Variants in PPP3CA observed in about 807,000 individuals in gnomAD.
PPP3CA encodes the protein CAM-PRP catalytic subunit.
Under a neutral mutation model 66.5 loss-of-function variants are expected in PPP3CA, and 14 were observed. The ratio of observed to expected loss-of-function variants is 0.21; its 90% confidence interval spans 0.14 to 0.33. PPP3CA has a LOEUF of 0.33. Among genes scored for constraint, PPP3CA ranks in the 10% least tolerant of loss-of-function variants. PPP3CA has a pLI of 1.00. For missense variants in PPP3CA, 317 were observed against 639.5 expected, an observed-to-expected ratio of 0.50 and a Z score of 5.44; for synonymous variants, 232 against 226.2, an observed-to-expected ratio of 1.03 and a Z score of -0.23.
intron 2 of PPP3CA, among the ~76,000 whole-genome samples, chr4:101,144,744 A>T (rs947250006): frequency 1.3e-5 from 2 of 152,190 alleles, no homozygotes; most frequent in Non-Finnish European, 2.9e-5. Flanking sequence ...TAAATAGAAG[A>T]ATGATATTCT....
At chr4:101,224,617 C>A (rs979928014) in intron 1 of PPP3CA, among the ~76,000 whole-genome samples, 62 of 151,736 alleles carry the variant, frequency 4.1e-4, no homozygotes, top group Non-Finnish European at 8.8e-4. Context: ...TTTGAAATCA[C>A]CTGAAGCTGG....
chr4:101,248,781 T>C (rs1186817304), intron 1 of PPP3CA, among the ~76,000 whole-genome samples: 3 of 152,214 alleles, frequency 2.0e-5, no homozygotes, highest in Admixed American at 6.5e-5. Flanking sequence ...CTTCTGTCAT[T>C]AGTAGCTACT....
At chr4:101,230,040 T>C (rs1033223074) in intron 1 of PPP3CA, among the ~76,000 whole-genome samples, 1 of 151,726 alleles carries the variant, frequency 6.6e-6, no homozygotes, top group African/African-American at 2.4e-5. Context: ...TCCTTCTTTA[T>C]TAAAAAATGT....
rs1407638230 is a variant in PPP3CA at position 101,347,324 on chromosome 4, T to TGCTGCCGCTGCTGCTGCC, written c.-546_-529dup. The TGCTGCCGCTGCTGCTGCC allele has an allele frequency of 2.5e-5, 5 of 202,120 alleles. No homozygotes were observed. Among genetic ancestry groups the TGCTGCCGCTGCTGCTGCC allele is most frequent in the South Asian group, 7.1e-5 (1 of 14,090 alleles). 12.5% of individuals were successfully genotyped at this position (202,120 alleles called of 1,614,324 possible). A position where few individuals can be genotyped will look rare whatever the true frequency, so the allele number is the denominator to read the frequency against. The stretch of plus-strand genomic sequence containing the variant: ...CCGGCGGCGGAGAGGCGGCCGCCGC[T>TGCTGCCGCTGCTGCTGCC]GCTGCCGCTGCTGCTGCCGCTGCCG... On this transcript the variant is annotated 5_prime_UTR_variant, in exon 1 of 14. Coordinates refer to ENST00000394854, the MANE Select transcript of PPP3CA (RefSeq NM_000944.5).
rs1333619885 is a variant in PPP3CA, at chr4:101,099,733, T to TA, written c.385-12dup. On this transcript the variant is annotated splice_polypyrimidine_tract_variant and intron_variant, in intron 3 of 13. Coordinates refer to ENST00000394854, the MANE Select transcript of PPP3CA (RefSeq NM_000944.5). ...CAAATACAGCACACACTGAGAAAAA[T>TA]AAAAATAATATAAAAATAAATATTT... is the stretch of plus-strand genomic sequence containing the variant. 2.2e-6 allele frequency: 3 copies of TA among 1,342,986 alleles called. No individual in the cohort carries two copies. Among genetic ancestry groups the TA allele is most frequent in the East Asian group, 2.6e-5 (1 of 39,138 alleles). 83.2% of individuals were successfully genotyped at this position (1,342,986 alleles called of 1,614,324 possible). A position where few individuals can be genotyped will look rare whatever the true frequency, so the allele number is the denominator to read the frequency against.
rs1421191803 is a variant in PPP3CA at position 101,024,922 on chromosome 4, T to C, written c.*943A>G. On this transcript the variant is annotated 3_prime_UTR_variant, in exon 14 of 14. Coordinates refer to ENST00000394854, the MANE Select transcript of PPP3CA (RefSeq NM_000944.5). ...CAGGCCGATACAGCCATTTTTTTTT[T>C]CTTAAAAAACATGCATAGGCAGATT... 1.3e-5 allele frequency: 2 copies of C among 152,120 alleles called. No individual in the cohort carries two copies. The highest frequency in any genetic ancestry group is 2.4e-5 in the African/African-American group (1 of 41,138). 9.4% of individuals were successfully genotyped at this position (152,120 alleles called of 1,614,324 possible).
intron 11 of PPP3CA, among the ~76,000 whole-genome samples, chr4:101,038,237 C>A (rs1388063068): frequency 6.6e-6 from 1 of 152,174 alleles, no homozygotes; most frequent in Admixed American, 6.5e-5. Flanking sequence ...GCCCTGGAAT[C>A]CAGCCTATCC....
At chr4:101,053,262 C>T (rs967980364) in intron 10 of PPP3CA, among the ~76,000 whole-genome samples, 5 of 152,068 alleles carry the variant, frequency 3.3e-5, no homozygotes, top group African/African-American at 1.2e-4. Flanking sequence ...TGCTATTCAT[C>T]TCTTTCAACA....
chr4:101,145,933 A>G (rs911168745), intron 2 of PPP3CA, among the ~76,000 whole-genome samples: 2 of 152,172 alleles, frequency 1.3e-5, no homozygotes, highest in Admixed American at 1.3e-4. Flanking sequence ...TAAAAATATT[A>G]TGTTAAAAGC....
chr4:101,059,538 A>G (rs929415098), intron 10 of PPP3CA, among the ~76,000 whole-genome samples: 1 of 152,198 alleles, frequency 6.6e-6, no homozygotes, highest in African/African-American at 2.4e-5. Context: ...CAGGTTTATT[A>G]TACTTTTGCC....
At chr4:101,263,799 A>G (rs1472331775) in intron 1 of PPP3CA, among the ~76,000 whole-genome samples, 1 of 152,062 alleles carries the variant, frequency 6.6e-6, no homozygotes, top group East Asian at 1.9e-4. Context: ...CATCTAACCC[A>G]TATTAGCTTT....
intron 1 of PPP3CA, among the ~76,000 whole-genome samples, chr4:101,205,530 G>T (rs1159934519): frequency 6.6e-6 from 1 of 151,620 alleles, no homozygotes; most frequent in Non-Finnish European, 1.5e-5. Flanking sequence ...CATAGTACTT[G>T]CCTTCTTAGT....
intron 1 of PPP3CA, among the ~76,000 whole-genome samples, chr4:101,305,722 A>G (rs1176769387): frequency 6.6e-6 from 1 of 152,226 alleles, no homozygotes; most frequent in Admixed American, 6.5e-5. Context: ...TCAGAATGAA[A>G]TCATTTGTCA....
At chr4:101,212,483 G>T (rs564803128) in intron 1 of PPP3CA, among the ~76,000 whole-genome samples, 1 of 152,116 alleles carries the variant, frequency 6.6e-6, no homozygotes, top group African/African-American at 2.4e-5. Context: ...AGGGGAGGGA[G>T]AGCATCAGGT....
intron 2 of PPP3CA, among the ~76,000 whole-genome samples, chr4:101,121,075 T>C (rs769593756): frequency 1.3e-5 from 2 of 152,122 alleles, no homozygotes; most frequent in Admixed American, 6.6e-5. Context: ...TGGTTCATAA[T>C]AAATTGTGAT....
At chr4:101,281,814 C>T (rs1424166105) in intron 1 of PPP3CA, among the ~76,000 whole-genome samples, 2 of 152,144 alleles carry the variant, frequency 1.3e-5, no homozygotes, top group Non-Finnish European at 2.9e-5. Flanking sequence ...AGCATCCTCC[C>T]TAAATTAATC....
intron 6 of PPP3CA, among the ~76,000 whole-genome samples, chr4:101,091,201 A>G (rs1729922784): frequency 6.6e-6 from 1 of 152,210 alleles, no homozygotes; most frequent in South Asian, 2.1e-4. Flanking sequence ...CTGTGATATC[A>G]AGCAGGTAAT....
In PPP3CA at chr4:101,117,365, T is replaced by C. The variant is rs190246697; in HGVS notation, c.260-8287A>G. ...CCATCATTATGACCACAGTGTACTA[T>C]TGCAATCAATAAAAAGTAAATTAAT... On this transcript the variant is annotated intron_variant, in intron 2 of 13. Coordinates refer to ENST00000394854, the MANE Select transcript of PPP3CA (RefSeq NM_000944.5). Among the ~76,000 whole-genome samples the C allele has an allele frequency of 7.2e-4, 110 of 151,854 alleles. 2 individuals are homozygous for C. Among genetic ancestry groups the C allele is most frequent in the Non-Finnish European group, 1.4e-3 (97 of 67,798 alleles).
At chr4:101,299,026 CTA>C (rs1728286810) in intron 1 of PPP3CA, among the ~76,000 whole-genome samples, 1 of 148,968 alleles carries the variant, frequency 6.7e-6, no homozygotes, top group South Asian at 2.1e-4. Flanking sequence ...CCATAGAAAA[CTA>C]TGATATTCAG....
Sources: allele counts gnomAD v4.1 joint callset (sites outside exome capture counted in the v4.1 genomes callset), GRCh38; gene constraint gnomAD v4.1.1; transcripts MANE v1.5; gene names NCBI Gene and HGNC (gene_info 2026-07-23, HGNC 2026-07-21).